CSDE1: variants seen among roughly 807,000 people sequenced by gnomAD.
The protein encoded by CSDE1 is cold shock domain containing E1.
In CSDE1, 17 loss-of-function variants were observed where a neutral mutation model predicts 89.3. That is an observed-to-expected ratio of 0.19 (90% CI 0.13 to 0.29). CSDE1 has a LOEUF of 0.29. Among genes scored for constraint, CSDE1 ranks in the 10% least tolerant of loss-of-function variants. CSDE1 has a pLI of 1.00. For missense variants in CSDE1, 672 were observed against 984.2 expected (o/e 0.68, Z 4.24); for synonymous variants, 322 against 332.8 (o/e 0.97, Z 0.35).
intron 16 of CSDE1, among the ~76,000 whole-genome samples, chr1:114,720,926 A>G (rs1294553797): frequency 1.3e-5 from 2 of 152,272 alleles, no homozygotes. Flanking sequence ...CACAGCTCCC[A>G]TCAGTACTTT....
chr1:114,722,161 G>A (rs908284847), intron 16 of CSDE1, among the ~76,000 whole-genome samples: 2 of 152,194 alleles, frequency 1.3e-5, no homozygotes, highest in African/African-American at 2.4e-5. Context: ...GGGATTACAG[G>A]TGTGAGCCCC....
At chr1:114,729,901 A>G (rs537517031) in intron 12 of CSDE1, among the ~76,000 whole-genome samples, 5 of 152,310 alleles carry the variant, frequency 3.3e-5, no homozygotes, top group Admixed American at 2.6e-4. Context: ...ATCATTTTAT[A>G]TAACTAGTTC....
chr1:114,741,618 G>A lies in CSDE1; in HGVS notation c.1-1728C>T. On this transcript the variant is annotated intron_variant, in intron 2 of 19. Transcript: ENST00000358528. ...GGGTAAAGAAAGTGAAGGAGGGGCTGCAGGAGAGGGATGAGGATCTGATGA... is the reference window on the plus strand; with the variant it reads ...GGGTAAAGAAAGTGAAGGAGGGGCTACAGGAGAGGGATGAGGATCTGATGA... The A allele has an allele frequency of 6.5e-7, 1 of 1,548,236 alleles. No individual in the cohort carries two copies. The highest frequency in any genetic ancestry group is 8.7e-7 in the Non-Finnish European group (1 of 1,143,938).
intron 12 of CSDE1, among the ~76,000 whole-genome samples, chr1:114,728,517 C>T (rs1001331502): frequency 1.3e-5 from 2 of 152,004 alleles, no homozygotes; most frequent in African/African-American, 4.8e-5. Flanking sequence ...TACTAGGGTA[C>T]TGTTGGACTA....
At chr1:114,748,938 G>A (rs557754673) in intron 2 of CSDE1, among the ~76,000 whole-genome samples, 7 of 152,224 alleles carry the variant, frequency 4.6e-5, no homozygotes, top group African/African-American at 7.2e-5. Flanking sequence ...GCTCTCCTAC[G>A]GAATAAAGAC....
chr1:114,745,580 A>G (rs1660969918), intron 2 of CSDE1, among the ~76,000 whole-genome samples: 1 of 152,214 alleles, frequency 6.6e-6, no homozygotes, highest in Non-Finnish European at 1.5e-5. Context: ...ATTCTTAACC[A>G]CTGCCTTATT....
intron 12 of CSDE1, chr1:114,727,829 A>C (rs1056457655): frequency 2.6e-5 from 4 of 151,708 alleles, no homozygotes; most frequent in Admixed American, 2.0e-4. Context: ...TAAAAAAATA[A>C]AAGTCTAAGA....
chr1:114,722,896 A>AG (rs1557990066), intron 16 of CSDE1, among the ~76,000 whole-genome samples: 2 of 152,226 alleles, frequency 1.3e-5, no homozygotes, highest in African/African-American at 4.8e-5. Context: ...TAGGTTATCA[A>AG]GGTTCATTTC....
chr1:114,733,824 G>A lies in CSDE1; in HGVS notation c.745C>T (p.Pro249Ser). Residue 249 changes from proline to serine, a missense_variant, in exon 9 of 20, where the codon CCT becomes TCT. Physicochemically the swap from Pro to Ser is moderately conservative, Grantham distance 74. Around this residue, in one of 8 missense-constraint regions of CSDE1, gnomAD observed 169 missense variants for 262.9 expected, o/e 0.64. Transcript: ENST00000358528. ...KEVATDVRLL[P>S]QGTVIFEDIS... ...TCTTCAAAAATGACTGTTCCTTGAG[G>A]CAATAGTCTGACATCTGTTGCAACT... 6.2e-7 allele frequency: 1 copy of A among 1,613,972 alleles called. No homozygotes were observed. The highest frequency in any genetic ancestry group is 8.5e-7 in the Non-Finnish European group (1 of 1,179,956).
At chr1:114,751,280 C>T (rs910014919) in intron 1 of CSDE1, among the ~76,000 whole-genome samples, 2 of 152,170 alleles carry the variant, frequency 1.3e-5, no homozygotes, top group Non-Finnish European at 2.9e-5. Flanking sequence ...AACAATTTTG[C>T]ACTGACTCCA....
rs764914055 is a variant in CSDE1, at chr1:114,718,633, T to G, written c.2329A>C (p.Arg777=). ...APRLMVLRQP[R]GPDNSMGFGA... ...CATACCATTGAGTTATCTGGTCCCC[T>G]TGGCTGACGAAGAACCATTAGGCGA... The change falls in exon 19 of 20, where the codon AGG becomes CGG. Residue 777 remains arginine (R), a synonymous_variant. Coordinates refer to ENST00000358528, the MANE Select transcript of CSDE1 (RefSeq NM_001007553.3). 1 of 1,614,162 alleles carries G rather than the reference T, an allele frequency of 6.2e-7. No homozygotes were observed. The highest frequency in any genetic ancestry group is 1.7e-5 in the Admixed American group (1 of 60,012).
In CSDE1 at chr1:114,725,331, T is replaced by G. The variant is rs1470259779; in HGVS notation, c.1643A>C (p.Glu548Ala). Residue 548 changes from glutamate (E) to alanine (A), a missense_variant and splice_region_variant, in exon 15 of 20, where the codon GAG becomes GCG. Transcript: ENST00000358528. ...CAGGCTATCAACATCACCAGAGAAC[T>G]CACTAAGGAGAAAGGAAATGACATT... is the stretch of plus-strand genomic sequence containing the variant. The part of the protein sequence containing the change: ...HDKEIFFHYS[E>A]FSGDVDSLEL... The G allele has an allele frequency of 6.2e-7, 1 of 1,611,472 alleles. No individual in the cohort carries two copies. Among genetic ancestry groups the G allele is most frequent in the Non-Finnish European group, 8.5e-7 (1 of 1,177,634 alleles).
intron 9 of CSDE1, 101 bp downstream of exon 9, chr1:114,733,628 TACC>T: frequency 2.0e-6 from 2 of 1,002,550 alleles, no homozygotes; most frequent in Non-Finnish European, 2.9e-6. Context: ...GTTGTTCCAC[TACC>T]ACATTATATT....
At chr1:114,728,372 C>G (rs1039854475) in intron 12 of CSDE1, among the ~76,000 whole-genome samples, 6 of 152,162 alleles carry the variant, frequency 3.9e-5, no homozygotes, top group Non-Finnish European at 7.3e-5. Context: ...ACATCAACAG[C>G]TGACAATATA....
At chr1:114,744,005 T>C (rs911901761) in intron 2 of CSDE1, among the ~76,000 whole-genome samples, 1 of 152,224 alleles carries the variant, frequency 6.6e-6, no homozygotes, top group Non-Finnish European at 1.5e-5. Flanking sequence ...TTTAATGGCA[T>C]TGCAAATATT....
At position 114,718,670 on chromosome 1, in the gene CSDE1, A is replaced by G. The variant is rs1260672956; in HGVS notation, c.2292T>C (p.Asp764=). The G allele has an allele frequency of 2.5e-6, 4 of 1,614,254 alleles. No homozygotes were observed. In the East Asian group the frequency reaches 8.9e-5, roughly 36 times the overall value. The change falls in exon 19 of 20, where the codon GAT becomes GAC. Residue 764 remains aspartate (D), a synonymous_variant. Coordinates refer to ENST00000358528, the MANE Select transcript of CSDE1 (RefSeq NM_001007553.3). Reference sequence around the variant, plus strand: ...GAACCATTAGGCGAGGAGCACTGGCATCATCCAGAGTGATATTCTTCAAGC... The same window carrying G: ...GAACCATTAGGCGAGGAGCACTGGCGTCATCCAGAGTGATATTCTTCAAGC... The part of the protein sequence containing the change: ...VNRLKNITLD[D]ASAPRLMVLR...
In CSDE1 at chr1:114,732,721, C is replaced by T. The variant is rs952292070; in HGVS notation, c.933G>A (p.Leu311=). ...TATTAAACCTAACATGGTCACCTTC[C>T]AGCAGGGTCACCTTGGATTTCGTAT... ...DKDTKSKVTL[L]EGDHVRFNIS... is the part of the protein sequence containing the mutation. The change falls in exon 10 of 20, where the codon CTG becomes CTA. Residue 311 remains leucine (L), a synonymous_variant. Transcript: ENST00000358528. 3 of 1,614,020 alleles carry T rather than the reference C, an allele frequency of 1.9e-6. No individual in the cohort carries two copies. Among genetic ancestry groups the T allele is most frequent in the African/African-American group, 1.3e-5 (1 of 74,920 alleles).
chr1:114,736,457 A>G (rs1228766648), intron 6 of CSDE1, among the ~76,000 whole-genome samples: 1 of 152,168 alleles, frequency 6.6e-6, no homozygotes, highest in African/African-American at 2.4e-5. Context: ...TCACCTCTCT[A>G]TAGTGACTAT....
chr1:114,730,563 A>T lies in CSDE1; in HGVS notation c.1136T>A (p.Ile379Asn). 1 of 1,614,138 alleles carries T rather than the reference A, an allele frequency of 6.2e-7. No individual in the cohort carries two copies. The highest frequency in any genetic ancestry group is 8.5e-7 in the Non-Finnish European group (1 of 1,180,028). The change falls in exon 11 of 20, where the codon ATT becomes AAT. Residue 379 changes from isoleucine (I) to asparagine (N), a missense_variant. By Grantham distance (149) the Ile-to-Asn change is moderately radical. Coordinates refer to ENST00000358528, the MANE Select transcript of CSDE1 (RefSeq NM_001007553.3). ...DVRMFFHFSE[I>N]LDGNQLHIAD... is the part of the protein sequence containing the mutation. ...AATATGGAGCTGGTTCCCATCCAGAATTTCACTGAAGTGGAAGAACATACG... is the reference window on the plus strand; with the variant it reads ...AATATGGAGCTGGTTCCCATCCAGATTTTCACTGAAGTGGAAGAACATACG...
Sources: allele counts gnomAD v4.1 joint callset (sites outside exome capture counted in the v4.1 genomes callset), GRCh38; gene constraint gnomAD v4.1.1; regional missense constraint gnomAD v4.1.1; transcripts MANE v1.5; gene names NCBI Gene and HGNC (gene_info 2026-07-23, HGNC 2026-07-21).